TTLL9: variants seen among roughly 807,000 people sequenced by gnomAD.
TTLL9 encodes the protein probable tubulin polyglutamylase TTLL9.
A neutral mutation model predicts 65.6 loss-of-function variants in TTLL9; 47 were observed. The ratio of observed to expected loss-of-function variants is 0.72; its 90% CI spans 0.57 to 0.91. The LOEUF (loss-of-function observed/expected upper bound fraction) is 0.91. Ranked by LOEUF, TTLL9 falls within the 40% of genes least tolerant of loss-of-function variation. The pLI is 0.00. For synonymous variants in TTLL9, 179 were observed against 204.8 expected, an observed-to-expected ratio of 0.87 and a Z score of 1.07; for missense variants, 537 against 568.8, an observed-to-expected ratio of 0.94 and a Z score of 0.57.
At chr20:31,939,052 G>T in intron 13 of TTLL9, 90 bp from the exon 14 acceptor site, 1 of 1,400,658 alleles carries the variant, frequency 7.1e-7, no homozygotes, top group Non-Finnish European at 9.5e-7. Context: ...GACATCAGTT[G>T]GGCTCAGGGA....
At position 31,876,037 on chromosome 20, in the gene TTLL9, C is replaced by A. The variant is rs1363059847; in HGVS notation, c.69+4842C>A. Among the ~76,000 whole-genome samples, 4 of 152,136 alleles carry A rather than the reference C, an allele frequency of 2.6e-5. No homozygotes were observed. In the East Asian group the frequency reaches 5.8e-4, roughly 22 times the overall value. ...TGTTTATAATTAACACAAATGGTAA[C>A]CTTTAAAAAACATTTCTCATTCTAC... On this transcript the variant is annotated intron_variant, in intron 2 of 14. Coordinates refer to ENST00000535842, the MANE Select transcript of TTLL9 (RefSeq NM_001008409.5).
intron 12 of TTLL9, 64 bp downstream of exon 12, chr20:31,934,952 G>A: frequency 4.1e-6 from 6 of 1,473,880 alleles, no homozygotes; most frequent in Non-Finnish European, 5.6e-6. Flanking sequence ...AGACTGCCCA[G>A]GTTTGAATCC....
At chr20:31,895,347 G>T (rs2063367881) in intron 3 of TTLL9, among the ~76,000 whole-genome samples, 2 of 152,098 alleles carry the variant, frequency 1.3e-5, no homozygotes, top group Admixed American at 1.3e-4. Flanking sequence ...GTTTTGGATT[G>T]GGCCTGAGAA....
intron 3 of TTLL9, among the ~76,000 whole-genome samples, chr20:31,894,304 G>C (rs1384255722): frequency 1.3e-5 from 2 of 151,758 alleles, no homozygotes; most frequent in Admixed American, 1.3e-4. Flanking sequence ...GGGTCTCACT[G>C]TGTTGCACAG....
intron 3 of TTLL9, among the ~76,000 whole-genome samples, chr20:31,889,207 A>G (rs1436546953): frequency 6.6e-6 from 1 of 152,192 alleles, no homozygotes; most frequent in Non-Finnish European, 1.5e-5. Context: ...GTGAAGAAAA[A>G]GAGTCTGGAG....
rs2063206040 is a variant in TTLL9, at chr20:31,887,275, A to G, written c.113+36A>G. ...CCATCCAATCCAACAATCACAGCGCAACCAACTTCTCTCCCTCCCTCCCCT... is the reference window on the plus strand; with the variant it reads ...CCATCCAATCCAACAATCACAGCGCGACCAACTTCTCTCCCTCCCTCCCCT... On this transcript the variant is annotated intron_variant, in intron 3 of 14. Transcript: ENST00000535842. 4.3e-6 allele frequency: 7 copies of G among 1,611,334 alleles called. No individual in the cohort carries two copies. In the South Asian group the frequency reaches 6.6e-5, roughly 15 times the overall value.
chr20:31,884,373 G>A (rs1462245915), intron 2 of TTLL9, among the ~76,000 whole-genome samples: 1 of 152,120 alleles, frequency 6.6e-6, no homozygotes, highest in Non-Finnish European at 1.5e-5. Context: ...TTATAGGTGT[G>A]TGCCACCATG....
intron 3 of TTLL9, 61 bp from the exon 4 acceptor site, chr20:31,898,412 C>A: frequency 2.0e-6 from 3 of 1,471,362 alleles, no homozygotes; most frequent in Non-Finnish European, 9.5e-7. Context: ...TTTTTCCTCT[C>A]CTTGCGCCAT....
In TTLL9 at chr20:31,870,667, C is replaced by CA; in HGVS notation, c.-287dup. On this transcript the variant is annotated 5_prime_UTR_variant, in exon 1 of 15. Coordinates refer to ENST00000535842, the MANE Select transcript of TTLL9 (RefSeq NM_001008409.5). The surrounding 1 kb of genome is among the most constrained non-coding windows in gnomAD (Gnocchi z 6.6). ...GGGCCCACGGCCCGCGGGACAACGG[C>CA]AGTTTGTTGGGGCCGCGTGGGGCCG... 1 of 1,216,498 alleles carries CA rather than the reference C, an allele frequency of 8.2e-7. No homozygotes were observed. The highest frequency in any genetic ancestry group is 1.1e-6 in the Non-Finnish European group (1 of 952,184). The allele number at this position is 1,216,498 out of a possible 1,614,324, so 75.4% of individuals were successfully genotyped here. A position where few individuals can be genotyped will look rare whatever the true frequency, so the allele number is the denominator to read the frequency against.
intron 3 of TTLL9, among the ~76,000 whole-genome samples, chr20:31,891,727 T>C (rs935825290): frequency 3.3e-5 from 5 of 152,248 alleles, no homozygotes; most frequent in Non-Finnish European, 7.3e-5. Context: ...AAAATAATTG[T>C]GAACCCAATT....
At chr20:31,923,305 G>A (rs6061032) in intron 8 of TTLL9, among the ~76,000 whole-genome samples, 96,058 of 152,046 alleles carry the variant, frequency 0.63, 30,676 homozygotes, top group African/African-American at 0.69. Context: ...TTATTCATGC[G>A]TTTATCCAAC....
Position 31,934,677 on chromosome 20 carries a change from C to T in TTLL9, c.808-15C>T. Reference sequence around the variant, plus strand: ...AACTGAGGCTCCTCTCTCGACCCGGCTGCCCGGGGCCCAGGGCTGCAAGTG... The same window carrying T: ...AACTGAGGCTCCTCTCTCGACCCGGTTGCCCGGGGCCCAGGGCTGCAAGTG... On this transcript the variant is annotated splice_polypyrimidine_tract_variant and intron_variant, in intron 11 of 14. Coordinates refer to ENST00000535842, the MANE Select transcript of TTLL9 (RefSeq NM_001008409.5). 2 of 1,601,180 alleles carry T rather than the reference C, an allele frequency of 1.2e-6. No homozygotes were observed. The highest frequency in any genetic ancestry group is 2.2e-5 in the East Asian group (1 of 44,742).
At position 31,925,027 on chromosome 20, in the gene TTLL9, G is replaced by A. The variant is rs182039160; in HGVS notation, c.683G>A (p.Arg228His). 78 of 1,614,080 alleles carry A rather than the reference G, an allele frequency of 4.8e-5. 1 individual carries two copies. The Admixed American group carries it at 8.0e-4, about 17-fold the overall frequency. The change falls in exon 9 of 15, where the codon CGT (arginine) becomes CAT (histidine). Residue 228 changes from arginine (R) to histidine (H), a missense_variant. Physicochemically the swap from Arg to His is conservative, Grantham distance 29. This residue lies in a region of TTLL9 where 320 missense variants were observed against 311.0 expected (regional missense o/e 1.03). Transcript: ENST00000535842. ...YLIGGRKFDLRVYVLVMSVFA... is the reference protein window; with the variant it reads ...YLIGGRKFDLHVYVLVMSVFA... ...CTGACAGGCCGCAAGTTTGACCTGC[G>A]TGTCTATGTGCTGGTGATGTCGGTG...
intron 7 of TTLL9, among the ~76,000 whole-genome samples, chr20:31,922,728 C>T (rs1204403006): frequency 6.6e-6 from 1 of 152,188 alleles, no homozygotes; most frequent in African/African-American, 2.4e-5. Flanking sequence ...TGGGCCTAGA[C>T]CATGTAGGTT....
chr20:31,907,638 T>C (rs1213482091), intron 4 of TTLL9, among the ~76,000 whole-genome samples: 2 of 151,860 alleles, frequency 1.3e-5, no homozygotes, highest in African/African-American at 4.8e-5. Flanking sequence ...GGAAAATCGC[T>C]TGAACCCGGG....
chr20:31,943,204 C>T lies in TTLL9; in HGVS notation c.*183C>T. 2 of 620,146 alleles carry T rather than the reference C, an allele frequency of 3.2e-6. No homozygotes were observed. Among genetic ancestry groups the T allele is most frequent in the Non-Finnish European group, 5.8e-6 (2 of 346,910 alleles). 38.4% of individuals were successfully genotyped at this position (620,146 alleles called of 1,614,324 possible). The stretch of plus-strand genomic sequence containing the variant: ...GGCCCCTTGGATACCTCCAGCCCAT[C>T]CCCAGGCATCTTTGCACCAGGAGAC... On this transcript the variant is annotated 3_prime_UTR_variant, in exon 15 of 15. Transcript: ENST00000535842.
intron 4 of TTLL9, chr20:31,901,180 G>A (rs2063473057): frequency 1.3e-5 from 2 of 152,344 alleles, no homozygotes; most frequent in South Asian, 4.1e-4. Context: ...GATACATGAA[G>A]CCTTGGAACT....
chr20:31,896,199 A>G (rs1477731960), intron 3 of TTLL9, among the ~76,000 whole-genome samples: 1 of 151,942 alleles, frequency 6.6e-6, no homozygotes, highest in East Asian at 1.9e-4. Flanking sequence ...GCTGGTCTCC[A>G]GCTCCTGACC....
chr20:31,914,277 A>G (rs1169322805), intron 6 of TTLL9, among the ~76,000 whole-genome samples: 3 of 152,216 alleles, frequency 2.0e-5, no homozygotes, highest in Non-Finnish European at 2.9e-5. Flanking sequence ...AGAGGGCAAG[A>G]CTTCTGTACT....
Sources: gnomAD v4.1 joint callset for allele counts (sites outside exome capture counted in the v4.1 genomes callset) on GRCh38, gnomAD v4.1.1 for gene constraint, gnomAD v4.1.1 regional missense constraint, Gnocchi (gnomAD v3.1) non-coding constraint, MANE v1.5 for transcripts, NCBI Gene and HGNC (gene_info 2026-07-23, HGNC 2026-07-21) for gene names.